DCAF7: variants seen among roughly 807,000 people sequenced by gnomAD.
The protein encoded by DCAF7 is DDB1- and CUL4-associated factor 7.
A neutral mutation model predicts 41.2 loss-of-function variants in DCAF7; 4 were observed. The ratio of observed to expected loss-of-function variants is 0.10; its 90% CI spans 0.05 to 0.22. The LOEUF is 0.22. Ranked by LOEUF, DCAF7 falls within the 10% of genes least tolerant of loss-of-function variation. The pLI, the probability that DCAF7 is intolerant of heterozygous loss-of-function variation, is 1.00. For synonymous variants in DCAF7, 143 were observed against 164.2 expected, an observed-to-expected ratio of 0.87 and a Z score of 0.99; for missense variants, 131 against 443.2, an observed-to-expected ratio of 0.30 and a Z score of 6.32.
At chr17:63,573,007 C>G (rs1189204317) in intron 1 of DCAF7, among the ~76,000 whole-genome samples, 1 of 152,204 alleles carries the variant, frequency 6.6e-6, no homozygotes, top group Non-Finnish European at 1.5e-5. Context: ...AAGCCATCCA[C>G]CCTCCTTGGC....
At chr17:63,570,692 A>G (rs1354523548) in intron 1 of DCAF7, among the ~76,000 whole-genome samples, 1 of 152,142 alleles carries the variant, frequency 6.6e-6, no homozygotes, top group African/African-American at 2.4e-5. Flanking sequence ...TTATTAGGAT[A>G]TATATTGAGG....
In DCAF7 at chr17:63,592,142, C is replaced by T. The variant is rs886424242; in HGVS notation, c.*2970C>T. 1 of 152,220 alleles carries T rather than the reference C, an allele frequency of 6.6e-6. No individual in the cohort carries two copies. The highest frequency in any genetic ancestry group is 2.4e-5 in the African/African-American group (1 of 41,424). 9.4% of individuals were successfully genotyped at this position (152,220 alleles called of 1,614,324 possible). ...GCGAGGATGGGTGTGGTGGCTCACA[C>T]CTGTAATCCCAGCATTTTGGGAGGC... On this transcript the variant is annotated 3_prime_UTR_variant, in exon 7 of 7. Coordinates refer to ENST00000614556, the MANE Select transcript of DCAF7 (RefSeq NM_005828.5).
chr17:63,582,774 T>C (rs1048767936), intron 4 of DCAF7, among the ~76,000 whole-genome samples: 1 of 152,192 alleles, frequency 6.6e-6, no homozygotes, highest in African/African-American at 2.4e-5. Context: ...CCTTCGTCCT[T>C]TCTCTGAAGC....
intron 1 of DCAF7, among the ~76,000 whole-genome samples, chr17:63,551,879 T>A (rs2033258612): frequency 1.2e-5 from 1 of 81,968 alleles, no homozygotes; most frequent in Admixed American, 1.9e-4. Flanking sequence ...AAACCCCGTC[T>A]CTACTAAAAT....
chr17:63,577,823 A>G (rs75028151), intron 1 of DCAF7, among the ~76,000 whole-genome samples: 2,072 of 152,250 alleles, frequency 0.014, 47 homozygotes, highest in African/African-American at 0.048. Flanking sequence ...GGTCATTTTC[A>G]AATACCTTAG....
At chr17:63,560,965 T>TCA (rs1361971134) in intron 1 of DCAF7, among the ~76,000 whole-genome samples, 5 of 152,216 alleles carry the variant, frequency 3.3e-5, no homozygotes, top group Non-Finnish European at 5.9e-5. Context: ...GCGTGATGGC[T>TCA]CACACCTGTA....
chr17:63,585,967 C>CA (rs537034761), intron 6 of DCAF7, among the ~76,000 whole-genome samples: 14 of 150,780 alleles, frequency 9.3e-5, no homozygotes, highest in Admixed American at 4.6e-4. Context: ...ACTAAAAATA[C>CA]AAAAAAAATT....
At chr17:63,565,593 T>A (rs1241617089) in intron 1 of DCAF7, among the ~76,000 whole-genome samples, 3 of 151,732 alleles carry the variant, frequency 2.0e-5, no homozygotes, top group Admixed American at 2.0e-4. Flanking sequence ...ATAATAATAA[T>A]AAAATGGAGC....
In DCAF7 at chr17:63,558,000, A is replaced by G. The variant is rs542776766; in HGVS notation, c.138+7185A>G. 2.9e-3 allele frequency among the ~76,000 whole-genome samples: 436 copies of G among 152,106 alleles called. 2 individuals are homozygous for G. Among genetic ancestry groups the G allele is most frequent in the African/African-American group, 9.9e-3 (409 of 41,460 alleles). On this transcript the variant is annotated intron_variant, in intron 1 of 6. Transcript: ENST00000614556. ...ACTCTTGACCTCCTAGGCTTAATCG[A>G]TTGTCCCACCTCTGCCTCCCGAGTA...
chr17:63,550,485 TTCCCAAGCTGGTTTGAAACTAG>T lies in DCAF7; in HGVS notation c.-192_-171del. ...CAAAACGGAAGGTGGTTGTCGTCCG[TTCCCAAGCTGGTTTGAAACTAG>T]GGGTCGGGCTCGGCCGTCGTCGTTG... On this transcript the variant is annotated 5_prime_UTR_variant, in exon 1 of 7. Transcript: ENST00000614556. This position sits in a 1 kb window ranked among gnomAD's most constrained non-coding sequence, Gnocchi z 4.8. 1 of 919,398 alleles carries T rather than the reference TTCCCAAGCTGGTTTGAAACTAG, an allele frequency of 1.1e-6. No individual in the cohort carries two copies. Among genetic ancestry groups the T allele is most frequent in the Middle Eastern group, 3.6e-4 (1 of 2,752 alleles). 57.0% of individuals were successfully genotyped at this position (919,398 alleles called of 1,614,324 possible).
intron 1 of DCAF7, among the ~76,000 whole-genome samples, chr17:63,568,221 G>T (rs1028310900): frequency 4.0e-5 from 6 of 151,732 alleles, no homozygotes; most frequent in Non-Finnish European, 7.4e-5. Context: ...GGCTGGCCTC[G>T]AACTCCTGAC....
intron 1 of DCAF7, among the ~76,000 whole-genome samples, chr17:63,559,365 ATATATATATGTGTATATATATG>A (rs2033348541): frequency 2.6e-5 from 3 of 115,500 alleles, no homozygotes; most frequent in Non-Finnish European, 5.2e-5. Context: ...ATATGTATGT[ATATATATATGTGTATATATATG>A]TATATATATA....
intron 1 of DCAF7, among the ~76,000 whole-genome samples, chr17:63,561,712 C>T (rs1054097719): frequency 2.0e-5 from 3 of 151,804 alleles, no homozygotes; most frequent in Non-Finnish European, 4.4e-5. Context: ...AGAGTGAGAC[C>T]CCATCTCGAA....
In DCAF7 at chr17:63,550,584, C is replaced by A. The variant is rs1014731927; in HGVS notation, c.-94C>A. 21 of 1,541,230 alleles carry A rather than the reference C, an allele frequency of 1.4e-5. No individual in the cohort carries two copies. In the African/African-American group the frequency reaches 2.7e-4, roughly 20 times the overall value. On this transcript the variant is annotated 5_prime_UTR_variant, in exon 1 of 7. Coordinates refer to ENST00000614556, the MANE Select transcript of DCAF7 (RefSeq NM_005828.5). The surrounding 1 kb of genome is among the most constrained non-coding windows in gnomAD (Gnocchi z 4.8). ...TTAGGCCGTTCCTGCCCGCCCCCTCCTCTCCTCCCTTCGGACCCATAGATC... is the reference window on the plus strand; with the variant it reads ...TTAGGCCGTTCCTGCCCGCCCCCTCATCTCCTCCCTTCGGACCCATAGATC...
At chr17:63,586,120 G>A (rs1252415930) in intron 6 of DCAF7, among the ~76,000 whole-genome samples, 1 of 112,254 alleles carries the variant, frequency 8.9e-6, no homozygotes, top group Non-Finnish European at 1.7e-5. Context: ...GCAAGACTCT[G>A]TCTCCAAAAA....
chr17:63,566,719 G>A (rs1201469062), intron 1 of DCAF7, among the ~76,000 whole-genome samples: 1 of 152,100 alleles, frequency 6.6e-6, no homozygotes, highest in Non-Finnish European at 1.5e-5. Flanking sequence ...CCAGGAGTTC[G>A]AGGGAGACCC....
intron 1 of DCAF7, 78 bp from the exon 2 acceptor site, chr17:63,578,392 C>G: frequency 6.3e-7 from 1 of 1,581,378 alleles, no homozygotes; most frequent in Admixed American, 1.8e-5. Flanking sequence ...AAAAAAACCT[C>G]TGTCACTGAC....
chr17:63,556,467 G>A (rs1036740173), intron 1 of DCAF7, among the ~76,000 whole-genome samples: 3 of 152,200 alleles, frequency 2.0e-5, no homozygotes, highest in African/African-American at 4.8e-5. Flanking sequence ...TACTTGGGAG[G>A]CTGAGGCAGG....
At chr17:63,588,964 C>T in intron 6 of DCAF7, 36 bp from the exon 7 acceptor site, 1 of 1,586,486 alleles carries the variant, frequency 6.3e-7, no homozygotes, top group Non-Finnish European at 8.6e-7. Context: ...CATTGCCTCA[C>T]TTGTGACCTT....
Sources: gnomAD v4.1 joint callset for allele counts (sites outside exome capture counted in the v4.1 genomes callset) on GRCh38, gnomAD v4.1.1 for gene constraint, Gnocchi (gnomAD v3.1) non-coding constraint, MANE v1.5 for transcripts, NCBI Gene and HGNC (gene_info 2026-07-23, HGNC 2026-07-21) for gene names.